The following RGS10 variants were observed in gnomAD, a reference collection of about 807,000 sequenced individuals.
RGS10 encodes regulator of G-protein signalling 10.
Under a neutral mutation model 23.5 loss-of-function variants are expected in RGS10, and 11 were observed. That is an observed-to-expected ratio of 0.47 (90% CI 0.29 to 0.77). RGS10 has a LOEUF of 0.77. RGS10 is among the 30% of genes least tolerant of loss of function. The pLI is 0.08. For missense variants in RGS10, 180 were observed against 226.3 expected (o/e 0.80, Z 1.31); for synonymous variants, 77 against 83.2 (o/e 0.92, Z 0.41).
At position 119,527,491 on chromosome 10, in the gene RGS10, A is replaced by C; in HGVS notation, c.50-67T>G. ...CTGTCATTTTAAGAAATCTGCATGC[A>C]ATGGTCAGCACTGCCGTCACCATCA... On this transcript the variant is annotated intron_variant, in intron 1 of 4. Transcript: ENST00000369103. This position sits in a 1 kb window ranked among gnomAD's most constrained non-coding sequence, Gnocchi z 4.2. 8.0e-7 allele frequency: 1 copy of C among 1,246,294 alleles called. No individual in the cohort carries two copies. Among genetic ancestry groups the C allele is most frequent in the Non-Finnish European group, 1.2e-6 (1 of 848,400 alleles). The allele number at this position is 1,246,294 out of a possible 1,614,324, so 77.2% of individuals were successfully genotyped here. A position where few individuals can be genotyped will look rare whatever the true frequency, so the allele number is the denominator to read the frequency against.
At chr10:119,508,727 C>T (rs1045951413) in intron 4 of RGS10, among the ~76,000 whole-genome samples, 1 of 152,194 alleles carries the variant, frequency 6.6e-6, no homozygotes, top group Non-Finnish European at 1.5e-5. Context: ...TAACTTTTCA[C>T]TTCATACCCA....
intron 4 of RGS10, 178 bp downstream of exon 4, chr10:119,515,331 C>A: frequency 1.4e-6 from 1 of 704,228 alleles, no homozygotes; most frequent in Non-Finnish European, 2.4e-6. Flanking sequence ...GGGCAAATCT[C>A]AAGCTTAGAA....
intron 4 of RGS10, among the ~76,000 whole-genome samples, chr10:119,510,862 G>A (rs1022334004): frequency 1.3e-5 from 2 of 152,038 alleles, no homozygotes; most frequent in African/African-American, 4.8e-5. Context: ...GGGACTACAG[G>A]CGCCCACCAC....
chr10:119,533,219 C>A (rs999787120), intron 1 of RGS10, among the ~76,000 whole-genome samples: 1 of 151,558 alleles, frequency 6.6e-6, no homozygotes, highest in African/African-American at 2.4e-5. Flanking sequence ...GTAATCCTAG[C>A]TACTCAGGAG....
intron 4 of RGS10, among the ~76,000 whole-genome samples, chr10:119,508,151 C>T (rs1844036590): frequency 6.6e-6 from 1 of 152,038 alleles, no homozygotes; most frequent in South Asian, 2.1e-4. Flanking sequence ...GCGTGCACCA[C>T]CATGTCCGGC....
chr10:119,536,431 C>T (rs745561135), intron 1 of RGS10: 22 of 1,605,240 alleles, frequency 1.4e-5, no homozygotes, highest in African/African-American at 2.7e-5. Context: ...AGGCAAACTG[C>T]GGACATGGAA....
In RGS10 at chr10:119,542,717, G is replaced by A. The variant is rs1844448184; in HGVS notation, c.-79C>T. The A allele has an allele frequency of 1.6e-6, 2 of 1,245,484 alleles. No homozygotes were observed. Among genetic ancestry groups the A allele is most frequent in the Non-Finnish European group, 2.1e-6 (2 of 964,592 alleles). 77.2% of individuals were successfully genotyped at this position (1,245,484 alleles called of 1,614,324 possible). A position where few individuals can be genotyped will look rare whatever the true frequency, so the allele number is the denominator to read the frequency against. Reference sequence around the variant, plus strand: ...GCCGGAGGAAGGCGAGGAGGAGGAGGAGGGCGAGGAGGAGGAGGAGGAGGG... The same window carrying A: ...GCCGGAGGAAGGCGAGGAGGAGGAGAAGGGCGAGGAGGAGGAGGAGGAGGG... On this transcript the variant is annotated 5_prime_UTR_variant, in exon 1 of 5. Coordinates refer to ENST00000369103, the MANE Select transcript of RGS10 (RefSeq NM_001005339.2).
intron 4 of RGS10, among the ~76,000 whole-genome samples, chr10:119,501,316 A>G (rs1323896282): frequency 6.6e-6 from 1 of 152,226 alleles, no homozygotes; most frequent in Non-Finnish European, 1.5e-5. Flanking sequence ...GGAAAGTTCC[A>G]GAGATGTCTA....
chr10:119,534,307 A>AT lies in RGS10; in HGVS notation c.50-6884_50-6883insA, dbSNP rs201792585. On this transcript the variant is annotated intron_variant, in intron 1 of 4. Coordinates refer to ENST00000369103, the MANE Select transcript of RGS10 (RefSeq NM_001005339.2). ...AATAAATAAATAAATAAATAAATAA[A>AT]AAAGGCCAGGCACTGTGGCTCATGT... Among the ~76,000 whole-genome samples the AT allele has an allele frequency of 3.5e-3, 439 of 126,548 alleles. 5 individuals carry two copies. The highest frequency in any genetic ancestry group is 8.4e-3 in the Admixed American group (103 of 12,304). The allele number at this position is 126,548 out of a possible 152,430, so 83.0% of individuals were successfully genotyped here.
chr10:119,519,110 G>A (rs993529286), intron 3 of RGS10, among the ~76,000 whole-genome samples: 3 of 152,206 alleles, frequency 2.0e-5, no homozygotes, highest in South Asian at 2.1e-4. Context: ...CCCAGCCAGC[G>A]CTGCTCCACC....
At chr10:119,519,630 C>T (rs1265025109) in intron 3 of RGS10, among the ~76,000 whole-genome samples, 99 of 115,866 alleles carry the variant, frequency 8.5e-4, no homozygotes, top group East Asian at 5.5e-3. Flanking sequence ...TATCTGTCTC[C>T]CAGCTCCTGT....
intron 1 of RGS10, among the ~76,000 whole-genome samples, chr10:119,532,859 C>A (rs1357806636): frequency 2.0e-5 from 3 of 148,978 alleles, no homozygotes; most frequent in African/African-American, 7.4e-5. Context: ...CAAAATAAAA[C>A]AAAAACAAAC....
intron 4 of RGS10, among the ~76,000 whole-genome samples, chr10:119,508,885 C>T (rs1307025523): frequency 6.6e-6 from 1 of 152,132 alleles, no homozygotes; most frequent in East Asian, 1.9e-4. Flanking sequence ...TTGCTTGAGC[C>T]CAGGAGTTCA....
chr10:119,509,077 G>A (rs992168631), intron 4 of RGS10, among the ~76,000 whole-genome samples: 2 of 152,130 alleles, frequency 1.3e-5, no homozygotes, highest in Non-Finnish European at 2.9e-5. Context: ...TTCCAGCCTC[G>A]ATGACAGAGG....
At chr10:119,530,455 G>T (rs1052834498) in intron 1 of RGS10, among the ~76,000 whole-genome samples, 21 of 152,324 alleles carry the variant, frequency 1.4e-4, no homozygotes, top group African/African-American at 4.8e-4. Context: ...TTGGGAGGCT[G>T]AGACAGGAGG....
At chr10:119,537,577 C>G (rs1796658654) in intron 1 of RGS10, among the ~76,000 whole-genome samples, 1 of 151,972 alleles carries the variant, frequency 6.6e-6, no homozygotes. Flanking sequence ...GGATGCAACC[C>G]CAGGTTGTCT....
rs1844254735 is a variant in RGS10, at chr10:119,524,771, CGAG to C, written c.255+1258_255+1260del. On this transcript the variant is annotated intron_variant, in intron 3 of 4. Coordinates refer to ENST00000369103, the MANE Select transcript of RGS10 (RefSeq NM_001005339.2). The surrounding 1 kb of genome is among the most constrained non-coding windows in gnomAD (Gnocchi z 5.2). Reference sequence around the variant, plus strand: ...AAGGGTCCCGCCCAGTAACAGCTTTCGAGGTGGGCCTGGGAAGTTCAAGCCAAA... The same window carrying C: ...AAGGGTCCCGCCCAGTAACAGCTTTCGTGGGCCTGGGAAGTTCAAGCCAAA... 2.0e-5 allele frequency among the ~76,000 whole-genome samples: 3 copies of C among 152,150 alleles called. No homozygotes were observed. Among genetic ancestry groups the C allele is most frequent in the Admixed American group, 2.0e-4 (3 of 15,274 alleles).
intron 1 of RGS10, among the ~76,000 whole-genome samples, chr10:119,528,504 G>A (rs186104181): frequency 1.3e-4 from 20 of 151,912 alleles, no homozygotes; most frequent in African/African-American, 4.6e-4. Context: ...TTTAAACTTC[G>A]GATATTTGTT....
intron 4 of RGS10, among the ~76,000 whole-genome samples, chr10:119,507,278 C>T (rs1383232234): frequency 6.6e-6 from 1 of 152,158 alleles, no homozygotes. Flanking sequence ...TCTGCCACCA[C>T]CCAGGAGAGG....
Sources: allele counts gnomAD v4.1 joint callset (sites outside exome capture counted in the v4.1 genomes callset), GRCh38; gene constraint gnomAD v4.1.1; non-coding constraint Gnocchi (gnomAD v3.1); transcripts MANE v1.5; gene names NCBI Gene and HGNC (gene_info 2026-07-23, HGNC 2026-07-21).